Variants in SLC16A7 observed in about 807,000 individuals in gnomAD.
SLC16A7 encodes solute carrier family 16 member 7.
SLC16A7 carries 33 observed loss-of-function variants against 34.9 expected under a neutral mutation model. That is an observed-to-expected ratio of 0.94 (90% CI 0.72 to 1.26). The LOEUF is 1.26. SLC16A7 is among the 50% of genes most tolerant of loss of function. The pLI, the probability that SLC16A7 is intolerant of heterozygous loss-of-function variation, is 0.00. For missense variants in SLC16A7, 573 were observed against 578.1 expected (o/e 0.99, Z 0.09); for synonymous variants, 201 against 206.6 (o/e 0.97, Z 0.23).
At chr12:59,756,997 A>G (rs1880432734) in intron 3 of SLC16A7, among the ~76,000 whole-genome samples, 1 of 143,018 alleles carries the variant, frequency 7.0e-6, no homozygotes, top group South Asian at 2.4e-4. Flanking sequence ...TCAGTAAACT[A>G]TCTCAAGAAC....
intron 1 of SLC16A7, among the ~76,000 whole-genome samples, chr12:59,632,255 T>C (rs1442664288): frequency 6.6e-6 from 1 of 152,034 alleles, no homozygotes; most frequent in East Asian, 1.9e-4. Flanking sequence ...TTGACTTTTA[T>C]GCACTTTTAA....
chr12:59,753,069 A>G (rs990069895), intron 3 of SLC16A7, among the ~76,000 whole-genome samples: 5 of 152,202 alleles, frequency 3.3e-5, no homozygotes, highest in Admixed American at 1.3e-4. Context: ...AGATTTTGTC[A>G]CCACAAGGCC....
chr12:59,772,135 T>G (rs147042019), intron 4 of SLC16A7, among the ~76,000 whole-genome samples: 3 of 152,296 alleles, frequency 2.0e-5, no homozygotes, highest in Non-Finnish European at 4.4e-5. Flanking sequence ...GAATCTTTTC[T>G]TTCTGCCCAG....
At position 59,707,777 on chromosome 12, in the gene SLC16A7, G is replaced by A. The variant is rs573712984; in HGVS notation, c.217+2759G>A. ...AAGGCAATATCTAGGTGAGATCCAA[G>A]TAAGTACCTGGAATATTGCCTAAAG... On this transcript the variant is annotated intron_variant, in intron 3 of 5. Coordinates refer to ENST00000547379, the MANE Select transcript of SLC16A7 (RefSeq NM_001270623.2). Among the ~76,000 whole-genome samples the A allele has an allele frequency of 1.2e-4, 19 of 152,184 alleles. No individual in the cohort carries two copies. In the South Asian group the frequency reaches 3.5e-3, roughly 28 times the overall value.
chr12:59,773,271 G>A (rs1882412841), intron 4 of SLC16A7, among the ~76,000 whole-genome samples: 1 of 152,094 alleles, frequency 6.6e-6, no homozygotes, highest in African/African-American at 2.4e-5. Context: ...TATAGCGTTA[G>A]AGAACATGCT....
intron 1 of SLC16A7, among the ~76,000 whole-genome samples, chr12:59,598,083 C>G (rs200056278): frequency 6.6e-6 from 1 of 152,156 alleles, no homozygotes; most frequent in East Asian, 1.9e-4. Flanking sequence ...GAGTCATATT[C>G]CTGGATCACG....
At chr12:59,721,880 C>A (rs1875641659) in intron 3 of SLC16A7, among the ~76,000 whole-genome samples, 2 of 151,864 alleles carry the variant, frequency 1.3e-5, no homozygotes, top group Admixed American at 1.3e-4. Flanking sequence ...TCTTTTGATG[C>A]CATTAGCCAC....
chr12:59,743,243 T>C (rs1214137520), intron 3 of SLC16A7, among the ~76,000 whole-genome samples: 1 of 152,220 alleles, frequency 6.6e-6, no homozygotes, highest in Non-Finnish European at 1.5e-5. Context: ...AAAGGCAAAC[T>C]TTGTAAATTA....
intron 1 of SLC16A7, among the ~76,000 whole-genome samples, chr12:59,624,286 G>GT (rs1053771698): frequency 6.6e-6 from 1 of 151,156 alleles, no homozygotes. Flanking sequence ...ATTTGCTCTC[G>GT]TTTTTTTCTT....
intron 1 of SLC16A7, among the ~76,000 whole-genome samples, chr12:59,646,123 A>G (rs575177608): frequency 2.0e-5 from 3 of 152,342 alleles, no homozygotes; most frequent in South Asian, 2.1e-4. Context: ...GAGAAATTCA[A>G]GCTTGCTACA....
chr12:59,671,672 C>A (rs1347002812), intron 2 of SLC16A7, among the ~76,000 whole-genome samples: 36 of 139,622 alleles, frequency 2.6e-4, no homozygotes, highest in Middle Eastern at 3.7e-3. Context: ...CTCTCTCTCT[C>A]TCTCTCTATA....
intron 1 of SLC16A7, among the ~76,000 whole-genome samples, chr12:59,616,257 T>G (rs1879444569): frequency 6.6e-6 from 1 of 152,162 alleles, no homozygotes; most frequent in Non-Finnish European, 1.5e-5. Context: ...ACCCTGACAG[T>G]ACCTAAATAA....
intron 3 of SLC16A7, among the ~76,000 whole-genome samples, chr12:59,738,347 C>T (rs960121889): frequency 2.0e-5 from 3 of 152,084 alleles, no homozygotes; most frequent in Admixed American, 1.3e-4. Flanking sequence ...TTCTTCAAAG[C>T]GTATGTGTGA....
chr12:59,723,831 T>C (rs1875909093), intron 3 of SLC16A7, among the ~76,000 whole-genome samples: 1 of 151,992 alleles, frequency 6.6e-6, no homozygotes, highest in Admixed American at 6.6e-5. Context: ...GTATTTGTTT[T>C]CTACTGTTGT....
chr12:59,763,069 TTC>T (rs1565706272), intron 3 of SLC16A7, among the ~76,000 whole-genome samples: 1 of 152,098 alleles, frequency 6.6e-6, no homozygotes, highest in Non-Finnish European at 1.5e-5. Context: ...GGTTAAAATA[TTC>T]TATTATACTT....
At chr12:59,733,890 G>T (rs1372502506) in intron 3 of SLC16A7, 9 of 451,042 alleles carry the variant, frequency 2.0e-5, no homozygotes, top group Admixed American at 1.9e-4. Flanking sequence ...CCCAAAGTGG[G>T]TATCTCCTTC....
At chr12:59,611,541 A>C (rs189404320) in intron 1 of SLC16A7, among the ~76,000 whole-genome samples, 48 of 152,342 alleles carry the variant, frequency 3.2e-4, no homozygotes, top group Non-Finnish European at 4.9e-4. Context: ...CTCAAAACTT[A>C]TATCCTCACA....
Position 59,779,858 on chromosome 12 carries a change from G to T in SLC16A7, c.*179G>T. 1 of 534,102 alleles carries T rather than the reference G, an allele frequency of 1.9e-6. No individual in the cohort carries two copies. Among genetic ancestry groups the T allele is most frequent in the South Asian group, 2.5e-5 (1 of 39,690 alleles). 33.1% of individuals were successfully genotyped at this position (534,102 alleles called of 1,614,324 possible). ...TAGTTTTTAAAAACTTACTTATTTG[G>T]GTAGTTAAATTTTGAGATTATGCAT... On this transcript the variant is annotated 3_prime_UTR_variant, in exon 6 of 6. Coordinates refer to ENST00000547379, the MANE Select transcript of SLC16A7 (RefSeq NM_001270623.2).
intron 3 of SLC16A7, among the ~76,000 whole-genome samples, chr12:59,735,417 C>T (rs911120900): frequency 6.6e-6 from 1 of 152,136 alleles, no homozygotes; most frequent in Non-Finnish European, 1.5e-5. Context: ...TGATGGGGAG[C>T]CTGTGGCTTA....
Sources: allele counts gnomAD v4.1 joint callset (sites outside exome capture counted in the v4.1 genomes callset), GRCh38; gene constraint gnomAD v4.1.1; transcripts MANE v1.5; gene names NCBI Gene and HGNC (gene_info 2026-07-23, HGNC 2026-07-21).